Variants in DRG1 observed in about 807,000 individuals in gnomAD.
DRG1 encodes the protein developmentally-regulated GTP-binding protein 1.
A neutral mutation model predicts 38.8 loss-of-function variants in DRG1; 19 were observed. The observed-to-expected ratio is 0.49, with a 90% CI of 0.34 to 0.72. The LOEUF (loss-of-function observed/expected upper bound fraction) is 0.72. Among genes scored for constraint, DRG1 ranks in the 30% least tolerant of loss-of-function variants. The pLI is 0.01. For synonymous variants in DRG1, 167 were observed against 157.5 expected (o/e 1.06, Z -0.45); for missense variants, 299 against 444.8 (o/e 0.67, Z 2.95).
intron 8 of DRG1, among the ~76,000 whole-genome samples, chr22:31,432,723 C>T (rs2050146841): frequency 6.6e-6 from 1 of 151,510 alleles, no homozygotes; most frequent in South Asian, 2.1e-4. Context: ...CCACGCCTGG[C>T]CTAATTTTTG....
chr22:31,408,136 T>C (rs1367057107), intron 3 of DRG1, among the ~76,000 whole-genome samples: 2 of 1,174 alleles, frequency 1.7e-3, no homozygotes, highest in East Asian at 0.083. Flanking sequence ...TTTTCCTTCT[T>C]TTTTTTTTTT....
chr22:31,429,289 T>G (rs1202842356), intron 8 of DRG1, among the ~76,000 whole-genome samples: 3 of 152,112 alleles, frequency 2.0e-5, no homozygotes, highest in Non-Finnish European at 4.4e-5. Flanking sequence ...CGGCTAATTT[T>G]TGTATTTTTA....
Position 31,403,150 on chromosome 22 carries a change from C to T in DRG1, c.288C>T (p.Phe96=). ...ATTCTGAGGTGGCAGCCTATGAATT[C>T]ACTACTCTGACCACTGTGCCTGGTG... ...GVYSEVAAYE[F]TTLTTVPGVI... is the part of the protein sequence containing the mutation. Residue 96 remains phenylalanine, a synonymous_variant, in exon 3 of 9, where the codon TTC becomes TTT. Coordinates refer to ENST00000331457, the MANE Select transcript of DRG1 (RefSeq NM_004147.4). 1 of 1,614,032 alleles carries T rather than the reference C, an allele frequency of 6.2e-7. No individual in the cohort carries two copies. The highest frequency in any genetic ancestry group is 8.5e-7 in the Non-Finnish European group (1 of 1,180,002).
At chr22:31,408,591 T>C (rs1259489288) in intron 3 of DRG1, among the ~76,000 whole-genome samples, 1 of 151,492 alleles carries the variant, frequency 6.6e-6, no homozygotes, top group South Asian at 2.1e-4. Context: ...CTACTAAAAA[T>C]ACATAAAAAA....
rs695334 is a variant in DRG1, at chr22:31,433,624, C to G, written c.1005-248C>G. 5.1e-3 allele frequency among the ~76,000 whole-genome samples: 779 copies of G among 152,212 alleles called. 5 individuals are homozygous for G. The highest frequency in any genetic ancestry group is 0.018 in the African/African-American group (738 of 41,526). On this transcript the variant is annotated intron_variant, in intron 8 of 8. Transcript: ENST00000331457. ...CTTTCTTTTAATTTTAAACTAGGCT[C>G]TTTATACTAAACATGTTTTTTGTCT...
rs2050115125 is a variant in DRG1, at chr22:31,427,093, C to T, written c.915C>T (p.Tyr305=). The T allele has an allele frequency of 6.2e-7, 1 of 1,614,074 alleles. No individual in the cohort carries two copies. ...AACCCAAAGGCCAGTTACCAGATTA[C>T]ACATCCCCAGTGGTGCTTCCTTACT... The part of the protein sequence containing the change: ...YTKPKGQLPD[Y]TSPVVLPYSR... Residue 305 remains tyrosine, a synonymous_variant, in exon 8 of 9, where the codon TAC becomes TAT. Transcript: ENST00000331457.
chr22:31,431,035 C>CGGGGT, intron 8 of DRG1, among the ~76,000 whole-genome samples: 1 of 56,766 alleles, frequency 1.8e-5, no homozygotes, highest in Non-Finnish European at 3.2e-5. Context: ...CCCCCCCCCG[C>CGGGGT]TTTTTTTTTT....
chr22:31,403,332 A>C, intron 3 of DRG1, 128 bp downstream of exon 3: 1 of 1,002,888 alleles, frequency 1.0e-6, no homozygotes, highest in Non-Finnish European at 1.4e-6. Context: ...TGGTAGGGGA[A>C]ATAGAGCAGT....
chr22:31,417,517 T>C (rs1187368168), intron 4 of DRG1, among the ~76,000 whole-genome samples: 1 of 150,600 alleles, frequency 6.6e-6, no homozygotes, highest in East Asian at 2.0e-4. Flanking sequence ...CTGTCTGTAC[T>C]AAAAATACAA....
At chr22:31,401,240 A>G (rs1165392861) in intron 2 of DRG1, among the ~76,000 whole-genome samples, 1 of 148,480 alleles carries the variant, frequency 6.7e-6, no homozygotes, top group East Asian at 2.1e-4. Context: ...CCCTGTCTCT[A>G]TGGGCTTAGA....
chr22:31,413,489 G>A (rs1453668792), intron 4 of DRG1, among the ~76,000 whole-genome samples: 1 of 151,160 alleles, frequency 6.6e-6, no homozygotes, highest in Admixed American at 6.6e-5. Context: ...GTGTATTTCT[G>A]CTCTAGTATT....
intron 3 of DRG1, among the ~76,000 whole-genome samples, chr22:31,404,941 T>TC (rs1474071853): frequency 1.5e-4 from 23 of 149,874 alleles, no homozygotes; most frequent in African/African-American, 5.4e-4. Flanking sequence ...TAAATAAATA[T>TC]TTTTTTTTTA....
intron 4 of DRG1, among the ~76,000 whole-genome samples, chr22:31,415,905 A>G (rs532945567): frequency 3.9e-5 from 6 of 151,998 alleles, no homozygotes; most frequent in African/African-American, 1.4e-4. Context: ...CTCTTCACCT[A>G]TATTGTCACT....
At chr22:31,401,238 C>G (rs5753600) in intron 2 of DRG1, among the ~76,000 whole-genome samples, 1 of 147,490 alleles carries the variant, frequency 6.8e-6, no homozygotes, top group African/African-American at 2.5e-5. Context: ...AGCCCTGTCT[C>G]TATGGGCTTA....
chr22:31,408,908 T>A (rs1320351886), intron 3 of DRG1, among the ~76,000 whole-genome samples: 2 of 152,130 alleles, frequency 1.3e-5, no homozygotes, highest in African/African-American at 4.8e-5. Flanking sequence ...TGACTGATTC[T>A]TAAGGGCAGT....
At chr22:31,408,848 A>G (rs2050003617) in intron 3 of DRG1, among the ~76,000 whole-genome samples, 1 of 151,344 alleles carries the variant, frequency 6.6e-6, no homozygotes, top group Non-Finnish European at 1.5e-5. Context: ...AGTATTTGCC[A>G]TACAGTAGAC....
intron 4 of DRG1, among the ~76,000 whole-genome samples, chr22:31,417,096 G>T (rs1402965390): frequency 6.6e-6 from 1 of 151,128 alleles, no homozygotes; most frequent in Non-Finnish European, 1.5e-5. Flanking sequence ...ATAAGGCCGG[G>T]CATGGTGGCT....
At chr22:31,427,205 C>T (rs192451317) in intron 8 of DRG1, 23 bp downstream of exon 8, 102 of 1,611,092 alleles carry the variant, frequency 6.3e-5, no homozygotes, top group East Asian at 6.0e-4. Flanking sequence ...GGCCTGTGGT[C>T]CCTCCTTTTT....
At chr22:31,411,455 A>T (rs907087990) in intron 4 of DRG1, among the ~76,000 whole-genome samples, 3 of 150,750 alleles carry the variant, frequency 2.0e-5, no homozygotes, top group Non-Finnish European at 4.4e-5. Context: ...CTTTTTTGGG[A>T]TGTTTTGCTG....
Sources: gnomAD v4.1 joint callset for allele counts (sites outside exome capture counted in the v4.1 genomes callset) on GRCh38, gnomAD v4.1.1 for gene constraint, MANE v1.5 for transcripts, NCBI Gene and HGNC (gene_info 2026-07-23, HGNC 2026-07-21) for gene names.